The following PLB1 variants were observed in gnomAD, a reference collection of about 807,000 sequenced individuals.
The protein encoded by PLB1 is phospholipase B1, membrane-associated.
A neutral mutation model predicts 227.4 loss-of-function variants in PLB1; 242 were observed. The observed-to-expected ratio is 1.06, with a 90% CI of 0.96 to 1.18. PLB1 has a LOEUF of 1.18. Ranked by LOEUF, PLB1 falls within the 50% of genes most tolerant of loss-of-function variation. The pLI is 0.00. For synonymous variants in PLB1, 757 were observed against 682.2 expected, an observed-to-expected ratio of 1.11 and a Z score of -1.71; for missense variants, 1,858 against 1,816.3, an observed-to-expected ratio of 1.02 and a Z score of -0.42.
intron 17 of PLB1, among the ~76,000 whole-genome samples, chr2:28,560,981 G>A (rs895592703): frequency 2.8e-4 from 42 of 152,036 alleles, no homozygotes; most frequent in Non-Finnish European, 4.9e-4. Context: ...TCCATCACCC[G>A]ATCTCGCTCT....
chr2:28,610,333 T>C (rs968454941), intron 43 of PLB1, among the ~76,000 whole-genome samples: 1 of 151,794 alleles, frequency 6.6e-6, no homozygotes, highest in African/African-American at 2.4e-5. Context: ...TTTTAATTAA[T>C]AGTGATGGGG....
At chr2:28,614,183 T>A in intron 44 of PLB1, 87 bp downstream of exon 44, 1 of 1,252,878 alleles carries the variant, frequency 8.0e-7, no homozygotes. Context: ...TTCAGAGTAT[T>A]CACTGAAGCA....
intron 44 of PLB1, among the ~76,000 whole-genome samples, chr2:28,615,459 A>C (rs953056490): frequency 6.6e-6 from 1 of 152,226 alleles, no homozygotes; most frequent in Non-Finnish European, 1.5e-5. Context: ...GGGGAAAGAC[A>C]TTTTATAAGC....
At chr2:28,641,090 G>T in intron 57 of PLB1, 89 bp downstream of exon 57, 1 of 1,256,300 alleles carries the variant, frequency 8.0e-7, no homozygotes, top group South Asian at 1.5e-5. Context: ...AGTCCCCGGG[G>T]ATGCTCCCTC....
chr2:28,576,315 C>T (rs1447587461), intron 21 of PLB1, among the ~76,000 whole-genome samples: 1 of 152,226 alleles, frequency 6.6e-6, no homozygotes, highest in Non-Finnish European at 1.5e-5. Context: ...CAATAGCTGT[C>T]ATGCAGATAC....
chr2:28,573,314 G>T lies in PLB1; in HGVS notation c.1433+9G>T. 6.2e-7 allele frequency: 1 copy of T among 1,603,416 alleles called. No homozygotes were observed. Among genetic ancestry groups the T allele is most frequent in the Non-Finnish European group, 8.5e-7 (1 of 1,170,938 alleles). On this transcript the variant is annotated intron_variant, in intron 21 of 57. Coordinates refer to ENST00000327757, the MANE Select transcript of PLB1 (RefSeq NM_153021.5). The stretch of plus-strand genomic sequence containing the variant: ...GCAGGAGGCCGAGCTGAGTAAGCAG[G>T]GGTGACCGGGGCGGTGAACAGCACA...
In PLB1 at chr2:28,522,720, C is replaced by A. The variant is rs535150599; in HGVS notation, c.244-2547C>A. ...CTGACAGCTCCTGCTGTCACTCGGC[C>A]CCCCCTTCTCAGGAACACGACTCCA... On this transcript the variant is annotated intron_variant, in intron 4 of 57. Coordinates refer to ENST00000327757, the MANE Select transcript of PLB1 (RefSeq NM_153021.5). Among the ~76,000 whole-genome samples the A allele has an allele frequency of 1.1e-4, 16 of 152,218 alleles. No homozygotes were observed. The South Asian group carries it at 1.2e-3, about 12-fold the overall frequency.
chr2:28,629,700 A>C (rs577980066), intron 53 of PLB1, among the ~76,000 whole-genome samples: 1 of 152,340 alleles, frequency 6.6e-6, no homozygotes, highest in South Asian at 2.1e-4. Flanking sequence ...GACTACCAAG[A>C]GCAGGGTCTT....
At chr2:28,600,770 T>G (rs1488305211) in intron 35 of PLB1, 39 bp from the exon 36 acceptor site, 1 of 1,604,826 alleles carries the variant, frequency 6.2e-7, no homozygotes, top group Admixed American at 1.7e-5. Context: ...CTATGGGCAC[T>G]GTTCCTCAAC....
At chr2:28,564,688 CTCTCATGGAGGCCAGCCT>C (rs1421659596) in intron 18 of PLB1, among the ~76,000 whole-genome samples, 2 of 152,234 alleles carry the variant, frequency 1.3e-5, no homozygotes, top group East Asian at 3.9e-4. Flanking sequence ...CCTGGGGGGC[CTCTCATGGAGGCCAGCCT>C]TCACCCCCAA....
chr2:28,563,247 A>G, intron 18 of PLB1, 148 bp downstream of exon 18: 2 of 783,498 alleles, frequency 2.6e-6, no homozygotes, highest in Middle Eastern at 3.5e-4. Flanking sequence ...CCATTGTCCG[A>G]CCCACCCTGG....
At chr2:28,619,524 G>T (rs2338546) in intron 46 of PLB1, among the ~76,000 whole-genome samples, 8,572 of 47,108 alleles carry the variant, frequency 0.18, 287 homozygotes, top group East Asian at 0.33. Context: ...TCAAGGTTTT[G>T]TTTTTTTTTT....
intron 56 of PLB1, among the ~76,000 whole-genome samples, chr2:28,638,007 CTG>C (rs1689569236): frequency 6.6e-6 from 1 of 152,234 alleles, no homozygotes; most frequent in African/African-American, 2.4e-5. Flanking sequence ...ATTCAGGTCT[CTG>C]TGAATTTAAT....
In PLB1 at chr2:28,533,907, A is replaced by G. The variant is rs553475701; in HGVS notation, c.555+1713A>G. Among the ~76,000 whole-genome samples, 4 of 152,362 alleles carry G rather than the reference A, an allele frequency of 2.6e-5. No homozygotes were observed. In the South Asian group the frequency reaches 6.2e-4, roughly 24 times the overall value. ...TATTTGTATTTTTAGTTATGCAAGCAATACACAAATATTTTCCTTCTAAAA... is the reference window on the plus strand; with the variant it reads ...TATTTGTATTTTTAGTTATGCAAGCGATACACAAATATTTTCCTTCTAAAA... On this transcript the variant is annotated intron_variant, in intron 9 of 57. Coordinates refer to ENST00000327757, the MANE Select transcript of PLB1 (RefSeq NM_153021.5).
chr2:28,579,582 G>A, intron 22 of PLB1, 45 bp from the exon 23 acceptor site: 1 of 1,502,442 alleles, frequency 6.7e-7, no homozygotes, highest in East Asian at 2.3e-5. Flanking sequence ...TCCTTGACTT[G>A]ACTCTGGGAC....
chr2:28,505,288 A>T (rs1280607998), intron 1 of PLB1, among the ~76,000 whole-genome samples: 1 of 152,230 alleles, frequency 6.6e-6, no homozygotes, highest in Non-Finnish European at 1.5e-5. Context: ...AGAGCTCGAG[A>T]GAAGAACCAA....
At chr2:28,513,209 A>G (rs913510283) in intron 1 of PLB1, among the ~76,000 whole-genome samples, 1 of 152,186 alleles carries the variant, frequency 6.6e-6, no homozygotes, top group South Asian at 2.1e-4. Flanking sequence ...GATAATTTTC[A>G]TGCTCTGGCT....
intron 47 of PLB1, 37 bp downstream of exon 47, chr2:28,620,369 C>A (rs374728347): frequency 4.3e-5 from 66 of 1,543,452 alleles, no homozygotes; most frequent in Non-Finnish European, 5.7e-5. Flanking sequence ...ATTGATGATG[C>A]TCTCTCAGAG....
intron 6 of PLB1, among the ~76,000 whole-genome samples, chr2:28,526,539 A>T (rs997020377): frequency 1.3e-5 from 2 of 152,192 alleles, no homozygotes; most frequent in South Asian, 2.1e-4. Context: ...TAGTTTTTTT[A>T]AAATATAATA....
Sources: gnomAD v4.1 joint callset for allele counts (sites outside exome capture counted in the v4.1 genomes callset) on GRCh38, gnomAD v4.1.1 for gene constraint, MANE v1.5 for transcripts, NCBI Gene and HGNC (gene_info 2026-07-23, HGNC 2026-07-21) for gene names.